The following MMD variants were observed in gnomAD, a reference collection of about 807,000 sequenced individuals.
MMD encodes the protein monocyte to macrophage differentiation factor.
A neutral mutation model predicts 33.6 loss-of-function variants in MMD; 22 were observed. The observed-to-expected ratio is 0.66, with a 90% CI of 0.47 to 0.94. The LOEUF (loss-of-function observed/expected upper bound fraction) is 0.94, where lower values mean the gene tolerates loss of function less well. MMD is among the 40% of genes least tolerant of loss of function. The probability of loss-of-function intolerance (pLI) is 0.00; values close to 1 mark genes in which losing one functional copy is unlikely to be tolerated. For synonymous variants in MMD, 97 were observed against 103.2 expected, an observed-to-expected ratio of 0.94 and a Z score of 0.36; for missense variants, 242 against 309.8, an observed-to-expected ratio of 0.78 and a Z score of 1.64.
intron 5 of MMD, among the ~76,000 whole-genome samples, chr17:55,402,846 T>C (rs767873854): frequency 1.8e-4 from 28 of 152,218 alleles, no homozygotes; most frequent in Admixed American, 7.9e-4. Context: ...TTTAAGTGAA[T>C]TTCAGAGACA....
chr17:55,421,752 G>C lies in MMD; in HGVS notation c.-57C>G, dbSNP rs904564987. Reference sequence around the variant, plus strand: ...CTCCGTCTCGTCAGCACCGGCGGCCGGGCGCGCGGCCCTCATGGGCTTGGG... The same window carrying C: ...CTCCGTCTCGTCAGCACCGGCGGCCCGGCGCGCGGCCCTCATGGGCTTGGG... On this transcript the variant is annotated 5_prime_UTR_variant, in exon 1 of 7. Transcript: ENST00000262065. The C allele has an allele frequency of 3.1e-5, 48 of 1,555,312 alleles. No homozygotes were observed. The highest frequency in any genetic ancestry group is 4.2e-5 in the Non-Finnish European group (48 of 1,155,116).
chr17:55,419,462 G>A (rs145549759), intron 1 of MMD, among the ~76,000 whole-genome samples: 37 of 152,288 alleles, frequency 2.4e-4, no homozygotes, highest in African/African-American at 8.2e-4. Flanking sequence ...CCTCCATCCA[G>A]TCCCAATAAA....
chr17:55,394,537 G>A lies in MMD; in HGVS notation c.517-3C>T. The stretch of plus-strand genomic sequence containing the variant: ...TCCTGAAGTCCATCGGTGTTGTTCT[G>A]TCAACAGAGAAAAAAAAATAAAAAG... On this transcript the variant is annotated splice_region_variant and splice_polypyrimidine_tract_variant and intron_variant, in intron 6 of 6. Transcript: ENST00000262065. The A allele has an allele frequency of 1.4e-6, 2 of 1,461,134 alleles. No individual in the cohort carries two copies. The highest frequency in any genetic ancestry group is 1.8e-6 in the Non-Finnish European group (2 of 1,108,758). 90.5% of individuals were successfully genotyped at this position (1,461,134 alleles called of 1,614,324 possible). A position where few individuals can be genotyped will look rare whatever the true frequency, so the allele number is the denominator to read the frequency against.
chr17:55,417,340 G>A (rs534040850), intron 1 of MMD, among the ~76,000 whole-genome samples: 4 of 152,298 alleles, frequency 2.6e-5, no homozygotes, highest in Non-Finnish European at 5.9e-5. Flanking sequence ...TTAGCCTGGT[G>A]TGGTGGTGTG....
intron 3 of MMD, among the ~76,000 whole-genome samples, chr17:55,410,451 C>G (rs1261333490): frequency 6.6e-6 from 1 of 152,134 alleles, no homozygotes; most frequent in Non-Finnish European, 1.5e-5. Context: ...TAGGGTTGTG[C>G]AGAATCCATT....
chr17:55,402,522 A>G (rs1907387672), intron 5 of MMD, among the ~76,000 whole-genome samples: 1 of 152,258 alleles, frequency 6.6e-6, no homozygotes, highest in Non-Finnish European at 1.5e-5. Context: ...ATCCTAGAAC[A>G]GTACCTGATA....
intron 1 of MMD, among the ~76,000 whole-genome samples, chr17:55,417,207 C>A (rs1011415406): frequency 1.3e-5 from 2 of 152,142 alleles, no homozygotes; most frequent in African/African-American, 2.4e-5. Flanking sequence ...TCTCCGAGTG[C>A]AAGTACCATC....
At chr17:55,403,899 G>A in intron 4 of MMD, 31 bp from the exon 5 acceptor site, 1 of 1,518,620 alleles carries the variant, frequency 6.6e-7, no homozygotes, top group South Asian at 1.1e-5. Flanking sequence ...ACAAAGAACA[G>A]AAGTGATAAA....
chr17:55,406,939 G>C (rs141979690), intron 4 of MMD, among the ~76,000 whole-genome samples: 55 of 152,262 alleles, frequency 3.6e-4, no homozygotes, highest in Middle Eastern at 3.4e-3. Context: ...AATGAGGTGT[G>C]AGAATCACTT....
intron 6 of MMD, among the ~76,000 whole-genome samples, chr17:55,401,151 A>G (rs1907312220): frequency 6.6e-6 from 1 of 152,140 alleles, no homozygotes; most frequent in African/African-American, 2.4e-5. Flanking sequence ...AGTTGCTGGC[A>G]CACTTCATTA....
At chr17:55,421,617 T>A (rs1567853865) in intron 1 of MMD, 53 bp downstream of exon 1, 1 of 1,587,948 alleles carries the variant, frequency 6.3e-7, no homozygotes, top group Admixed American at 1.7e-5. Context: ...ACGGCGGGAT[T>A]TGGGAACCCG....
intron 6 of MMD, among the ~76,000 whole-genome samples, chr17:55,400,731 A>T (rs994262482): frequency 2.0e-5 from 3 of 152,168 alleles, no homozygotes; most frequent in African/African-American, 7.2e-5. Flanking sequence ...AAGGGCTGGT[A>T]ACCAGGTGGA....
chr17:55,421,618 TG>T, intron 1 of MMD, 51 bp downstream of exon 1: 1 of 1,588,330 alleles, frequency 6.3e-7, no homozygotes, highest in Non-Finnish European at 8.5e-7. Context: ...CGGCGGGATT[TG>T]GGAACCCGCT....
chr17:55,407,066 C>T (rs896995715), intron 4 of MMD, among the ~76,000 whole-genome samples: 1 of 151,722 alleles, frequency 6.6e-6, no homozygotes, highest in Non-Finnish European at 1.5e-5. Flanking sequence ...CGGTGGCTCA[C>T]GCCTGTAATC....
At chr17:55,402,262 C>T (rs1372474982) in intron 5 of MMD, among the ~76,000 whole-genome samples, 1 of 152,074 alleles carries the variant, frequency 6.6e-6, no homozygotes, top group East Asian at 1.9e-4. Context: ...AATGGAGATG[C>T]AGCCTGGAGC....
intron 5 of MMD, among the ~76,000 whole-genome samples, chr17:55,402,299 A>C (rs1025371395): frequency 2.0e-5 from 3 of 152,100 alleles, no homozygotes; most frequent in African/African-American, 4.8e-5. Context: ...AAGGAACAGC[A>C]AGCCCTAAGG....
At chr17:55,400,051 T>A (rs1907264910) in intron 6 of MMD, among the ~76,000 whole-genome samples, 1 of 152,186 alleles carries the variant, frequency 6.6e-6, no homozygotes, top group Non-Finnish European at 1.5e-5. Flanking sequence ...TAACTCCTCC[T>A]CCTTACCATT....
chr17:55,410,690 T>C (rs2143147112), intron 3 of MMD, among the ~76,000 whole-genome samples: 1 of 152,358 alleles, frequency 6.6e-6, no homozygotes, highest in African/African-American at 2.4e-5. Flanking sequence ...ACTATAAGTA[T>C]ACCTTCATAC....
intron 3 of MMD, among the ~76,000 whole-genome samples, chr17:55,408,247 T>A (rs1436936629): frequency 1.3e-5 from 2 of 152,216 alleles, no homozygotes; most frequent in Non-Finnish European, 2.9e-5. Context: ...TGATGTTCAG[T>A]AAACACTCCC....
Sources: allele counts gnomAD v4.1 joint callset (sites outside exome capture counted in the v4.1 genomes callset), GRCh38; gene constraint gnomAD v4.1.1; transcripts MANE v1.5; gene names NCBI Gene and HGNC (gene_info 2026-07-23, HGNC 2026-07-21).